Variants in ANKIB1 observed in about 807,000 individuals in gnomAD.
ANKIB1 encodes ankyrin repeat and IBR domain-containing protein 1.
A neutral mutation model predicts 122.1 loss-of-function variants in ANKIB1; 43 were observed. The observed-to-expected ratio is 0.35, with a 90% CI of 0.28 to 0.45. The LOEUF is 0.45. Among genes scored for constraint, ANKIB1 ranks in the 20% least tolerant of loss-of-function variants. The pLI is 1.00. For missense variants in ANKIB1, 992 were observed against 1,329.5 expected, an observed-to-expected ratio of 0.75 and a Z score of 3.95; for synonymous variants, 390 against 442.0, an observed-to-expected ratio of 0.88 and a Z score of 1.48.
At chr7:92,349,743 CTGTT>C (rs1322532384) in intron 7 of ANKIB1, among the ~76,000 whole-genome samples, 1 of 152,124 alleles carries the variant, frequency 6.6e-6, no homozygotes, top group Admixed American at 6.5e-5. Context: ...CATATATAAT[CTGTT>C]TAACAACCCT....
rs780701644 is a variant in ANKIB1, at chr7:92,246,308, G to A, written c.-302G>A. On this transcript the variant is annotated 5_prime_UTR_variant, in exon 1 of 20. Transcript: ENST00000265742. ...CGCGGGCGCCTTCGGCTCACGCAGC[G>A]CTTCCCGCGGGCCGCCAGTGCGCAC... 2.4e-5 allele frequency: 10 copies of A among 409,832 alleles called. No homozygotes were observed. The highest frequency in any genetic ancestry group is 3.8e-5 in the Non-Finnish European group (8 of 209,218). 25.4% of individuals were successfully genotyped at this position (409,832 alleles called of 1,614,324 possible). A position where few individuals can be genotyped will look rare whatever the true frequency, so the allele number is the denominator to read the frequency against.
At chr7:92,397,101 AAAAACGT>A (rs1804914327) in intron 18 of ANKIB1, among the ~76,000 whole-genome samples, 1 of 152,218 alleles carries the variant, frequency 6.6e-6, no homozygotes, top group Admixed American at 6.5e-5. Flanking sequence ...TCTAAAAATG[AAAAACGT>A]TTATTAGTTA....
At chr7:92,337,850 T>C (rs1275775748) in intron 5 of ANKIB1, among the ~76,000 whole-genome samples, 2 of 152,188 alleles carry the variant, frequency 1.3e-5, no homozygotes, top group Admixed American at 6.5e-5. Flanking sequence ...AAATCTAAGT[T>C]GGAGGCTTTG....
chr7:92,284,249 A>C (rs1355713693), intron 1 of ANKIB1, among the ~76,000 whole-genome samples: 6 of 152,188 alleles, frequency 3.9e-5, no homozygotes, highest in Non-Finnish European at 7.3e-5. Context: ...TAGGATGAAG[A>C]TAATGAGGCA....
chr7:92,286,565 T>C (rs1202448173), intron 1 of ANKIB1, among the ~76,000 whole-genome samples: 1 of 151,720 alleles, frequency 6.6e-6, no homozygotes, highest in African/African-American at 2.4e-5. Flanking sequence ...CTGCAACTTC[T>C]GCCTCCTGGG....
intron 1 of ANKIB1, among the ~76,000 whole-genome samples, chr7:92,279,026 A>G (rs1273426198): frequency 1.3e-5 from 2 of 152,216 alleles, no homozygotes; most frequent in African/African-American, 4.8e-5. Flanking sequence ...CACGTACAGC[A>G]GAGTGGGGAT....
At position 92,400,277 on chromosome 7, in the gene ANKIB1, C is replaced by G. The variant is rs1274071556; in HGVS notation, c.*1328C>G. On this transcript the variant is annotated 3_prime_UTR_variant, in exon 20 of 20. Transcript: ENST00000265742. ...TTTAGTGTTGAAAAAAATCAACTTC[C>G]TAGTTATCAGTGTCTTACTGTGAAG... is the stretch of plus-strand genomic sequence containing the variant. 6.6e-6 allele frequency: 1 copy of G among 152,176 alleles called. No individual in the cohort carries two copies. Among genetic ancestry groups the G allele is most frequent in the African/African-American group, 2.4e-5 (1 of 41,444 alleles). The allele number at this position is 152,176 out of a possible 1,614,324, so 9.4% of individuals were successfully genotyped here.
At chr7:92,382,882 C>G (rs1804550501) in intron 11 of ANKIB1, among the ~76,000 whole-genome samples, 1 of 152,070 alleles carries the variant, frequency 6.6e-6, no homozygotes, top group Non-Finnish European at 1.5e-5. Context: ...CAAGAAATAA[C>G]TAAGGTCAGA....
At chr7:92,308,319 C>T (rs1265934789) in intron 3 of ANKIB1, among the ~76,000 whole-genome samples, 1 of 152,048 alleles carries the variant, frequency 6.6e-6, no homozygotes, top group Non-Finnish European at 1.5e-5. Context: ...TAAGCACTAT[C>T]GTATTTAGAG....
At chr7:92,280,929 C>T (rs1411864753) in intron 1 of ANKIB1, among the ~76,000 whole-genome samples, 1 of 152,204 alleles carries the variant, frequency 6.6e-6, no homozygotes, top group Non-Finnish European at 1.5e-5. Context: ...CCACTTCTGA[C>T]ACCACTTTTT....
chr7:92,320,362 C>G (rs1472989389), intron 4 of ANKIB1, among the ~76,000 whole-genome samples: 1 of 152,158 alleles, frequency 6.6e-6, no homozygotes, highest in Non-Finnish European at 1.5e-5. Flanking sequence ...TGACATGTTG[C>G]CAAATTTAGT....
At chr7:92,320,308 CT>C (rs1285879236) in intron 4 of ANKIB1, among the ~76,000 whole-genome samples, 1 of 152,156 alleles carries the variant, frequency 6.6e-6, no homozygotes, top group Non-Finnish European at 1.5e-5. Flanking sequence ...TGCAGTATGA[CT>C]TTCTTCCCTT....
At chr7:92,269,035 A>T (rs1051289938) in intron 1 of ANKIB1, among the ~76,000 whole-genome samples, 1 of 152,154 alleles carries the variant, frequency 6.6e-6, no homozygotes, top group Non-Finnish European at 1.5e-5. Context: ...TGTTTTCCAG[A>T]CTCTTCTTAA....
rs892229867 is a variant in ANKIB1, at chr7:92,313,029, T to C, written c.486+5373T>C. Reference sequence around the variant, plus strand: ...CAACCCTAGTCATTAGGCCTCATTATGTTTCCATTAGTGCTTAACCTGTAA... The same window carrying C: ...CAACCCTAGTCATTAGGCCTCATTACGTTTCCATTAGTGCTTAACCTGTAA... On this transcript the variant is annotated intron_variant, in intron 3 of 19. Transcript: ENST00000265742. Among the ~76,000 whole-genome samples, 8 of 152,206 alleles carry C rather than the reference T, an allele frequency of 5.3e-5. No individual in the cohort carries two copies. In the East Asian group the frequency reaches 5.8e-4, roughly 11 times the overall value.
chr7:92,273,944 T>C (rs532011105), intron 1 of ANKIB1, among the ~76,000 whole-genome samples: 143 of 152,022 alleles, frequency 9.4e-4, no homozygotes, highest in African/African-American at 3.3e-3. Flanking sequence ...GGCTAGTTTT[T>C]TTATTTTTTG....
intron 5 of ANKIB1, among the ~76,000 whole-genome samples, chr7:92,338,113 T>TA (rs1803329460): frequency 6.6e-6 from 1 of 152,046 alleles, no homozygotes; most frequent in Non-Finnish European, 1.5e-5. Flanking sequence ...TGGCCCTACA[T>TA]AAAAAAGATT....
intron 2 of ANKIB1, among the ~76,000 whole-genome samples, chr7:92,296,959 C>CT (rs1802368730): frequency 1.3e-5 from 2 of 152,196 alleles, no homozygotes; most frequent in East Asian, 3.9e-4. Flanking sequence ...TAGAAGCCAC[C>CT]TCCAGCTTAG....
chr7:92,304,298 C>T (rs1457623402), intron 2 of ANKIB1, among the ~76,000 whole-genome samples: 1 of 152,078 alleles, frequency 6.6e-6, no homozygotes, highest in African/African-American at 2.4e-5. Context: ...TAATTTGAGA[C>T]TCTTTCTTGA....
chr7:92,386,666 A>C, intron 12 of ANKIB1, 23 bp downstream of exon 12: 6 of 1,577,082 alleles, frequency 3.8e-6, no homozygotes, highest in Non-Finnish European at 5.2e-6. Context: ...AATTAAGCCA[A>C]GACATCTCTC....
Sources: allele counts gnomAD v4.1 joint callset (sites outside exome capture counted in the v4.1 genomes callset), GRCh38; gene constraint gnomAD v4.1.1; transcripts MANE v1.5; gene names NCBI Gene and HGNC (gene_info 2026-07-23, HGNC 2026-07-21).